The following SYNE1 variants were observed in gnomAD, a reference collection of about 807,000 sequenced individuals.
SYNE1 encodes spectrin repeat containing nuclear envelope protein 1.
A neutral mutation model predicts 1,111.0 loss-of-function variants in SYNE1; 616 were observed. That is an observed-to-expected ratio of 0.55 (90% CI 0.52 to 0.59). The LOEUF (loss-of-function observed/expected upper bound fraction) is 0.59. Among genes scored for constraint, SYNE1 ranks in the 20% least tolerant of loss-of-function variants. The probability of loss-of-function intolerance (pLI) is 0.00; values close to 1 mark genes in which losing one functional copy is unlikely to be tolerated. For missense variants in SYNE1, 10,006 were observed against 10,417.0 expected (o/e 0.96, Z 1.72); for synonymous variants, 3,855 against 3,825.8 (o/e 1.01, Z -0.28).
At chr6:152,535,656 G>T (rs939226575) in intron 4 of SYNE1, among the ~76,000 whole-genome samples, 5 of 152,084 alleles carry the variant, frequency 3.3e-5, no homozygotes, top group African/African-American at 1.2e-4. Flanking sequence ...TTGATAAAAT[G>T]AGAGAAAATA....
intron 11 of SYNE1, among the ~76,000 whole-genome samples, chr6:152,497,163 T>C (rs2099004270): frequency 1.3e-5 from 2 of 152,200 alleles, no homozygotes; most frequent in South Asian, 4.1e-4. Flanking sequence ...CATGGACACG[T>C]TTGACACTCC....
intron 130 of SYNE1, among the ~76,000 whole-genome samples, chr6:152,165,054 G>C (rs532172671): frequency 1.3e-5 from 2 of 151,172 alleles, no homozygotes; most frequent in African/African-American, 2.4e-5. Flanking sequence ...TATACACTTA[G>C]AGTCATCAGA....
chr6:152,624,696 A>T (rs971222270), intron 3 of SYNE1, among the ~76,000 whole-genome samples: 6 of 152,348 alleles, frequency 3.9e-5, no homozygotes, highest in Admixed American at 3.9e-4. Flanking sequence ...TCTGCATTGC[A>T]GTCTGACTGC....
chr6:152,198,997 A>C (rs1336502669), intron 127 of SYNE1, among the ~76,000 whole-genome samples: 1 of 149,784 alleles, frequency 6.7e-6, no homozygotes, highest in Admixed American at 6.6e-5. Flanking sequence ...AAAAAAAAAA[A>C]AAAACCAAAA....
chr6:152,604,156 TTA>T (rs1418683204), intron 3 of SYNE1, among the ~76,000 whole-genome samples: 98 of 137,060 alleles, frequency 7.2e-4, no homozygotes, highest in African/African-American at 2.9e-3. Context: ...CTCCAACCCT[TTA>T]TATGTGTGTG....
chr6:152,418,295 C>G (rs556024821), intron 40 of SYNE1, among the ~76,000 whole-genome samples: 1 of 152,140 alleles, frequency 6.6e-6, no homozygotes, highest in Non-Finnish European at 1.5e-5. Context: ...ATGTAATCAT[C>G]AGGGAAGATA....
intron 2 of SYNE1, among the ~76,000 whole-genome samples, chr6:152,633,928 C>T (rs200018826): frequency 2.1e-5 from 3 of 141,886 alleles, no homozygotes; most frequent in African/African-American, 7.9e-5. Flanking sequence ...GCATACTCTT[C>T]TTAGGAATTT....
At position 152,312,866 on chromosome 6, in the gene SYNE1, C is replaced by T. The variant is rs558863640; in HGVS notation, c.16711-1993G>A. ...CTTTTTCACCCGACCTTAGCGTTAC[C>T]GGAAAAAGGTCCCAATCCAGACCTC... On this transcript the variant is annotated intron_variant, in intron 87 of 145. Transcript: ENST00000367255. Among the ~76,000 whole-genome samples the T allele has an allele frequency of 2.6e-5, 4 of 152,072 alleles. No homozygotes were observed. In the East Asian group the frequency reaches 7.7e-4, roughly 29 times the overall value.
chr6:152,461,833 A>G (rs1051553960), intron 20 of SYNE1, 93 bp from the exon 21 acceptor site: 89 of 1,537,860 alleles, frequency 5.8e-5, no homozygotes, highest in Admixed American at 3.0e-4. Context: ...ATCAATATGC[A>G]CTGTATAAAA....
rs1370604391 is a variant in SYNE1, at chr6:152,208,040, G to A, written c.22756C>T (p.Pro7586Ser). The change falls in exon 125 of 146, where the codon CCC becomes TCC. Residue 7586 changes from proline to serine, a missense_variant. Pro to Ser is a moderately conservative substitution (Grantham distance 74). Coordinates refer to ENST00000367255, the MANE Select transcript of SYNE1 (RefSeq NM_182961.4). Reference sequence around the variant, plus strand: ...GGAACACTTCCGAGACCACTCATGGGGAGGTAGGACACTTCAACCAACCAT... The same window carrying A: ...GGAACACTTCCGAGACCACTCATGGAGAGGTAGGACACTTCAACCAACCAT... The part of the protein sequence containing the change: ...RKWLVEVSYL[P>S]MSGLGSVPIP... 6.2e-7 allele frequency: 1 copy of A among 1,614,106 alleles called. No homozygotes were observed. The highest frequency in any genetic ancestry group is 8.5e-7 in the Non-Finnish European group (1 of 1,180,012).
In SYNE1 at chr6:152,465,471, T is replaced by A; in HGVS notation, c.1730-11A>T. 6.2e-7 allele frequency: 1 copy of A among 1,610,094 alleles called. No homozygotes were observed. The highest frequency in any genetic ancestry group is 8.5e-7 in the Non-Finnish European group (1 of 1,177,910). Reference sequence around the variant, plus strand: ...TCTCAGCTTCTTCCACTGAAACAGATAAAACCAATTATAACCCTTATCTCA... The same window carrying A: ...TCTCAGCTTCTTCCACTGAAACAGAAAAAACCAATTATAACCCTTATCTCA... On this transcript the variant is annotated splice_polypyrimidine_tract_variant and intron_variant, in intron 17 of 145. Coordinates refer to ENST00000367255, the MANE Select transcript of SYNE1 (RefSeq NM_182961.4).
chr6:152,450,528 G>C (rs2098638990), intron 27 of SYNE1, 97 bp downstream of exon 27: 1 of 1,143,330 alleles, frequency 8.7e-7, no homozygotes, highest in Admixed American at 1.7e-5. Context: ...ACATGAGCAA[G>C]AAATATGAAA....
At chr6:152,366,578 A>G (rs1340335334) in intron 62 of SYNE1, among the ~76,000 whole-genome samples, 2 of 152,100 alleles carry the variant, frequency 1.3e-5, no homozygotes, top group Admixed American at 1.3e-4. Flanking sequence ...CCAACTTTCA[A>G]CCCCATCCCT....
In SYNE1 at chr6:152,453,576, C is replaced by T; in HGVS notation, c.3027+10G>A. On this transcript the variant is annotated intron_variant, in intron 25 of 145. Transcript: ENST00000367255. ...AGGATGCACGGTGTCTCCGTCCTGT[C>T]CTGACTCACCTTCCATTGTTTGTGG... The T allele has an allele frequency of 6.2e-7, 1 of 1,614,232 alleles. No individual in the cohort carries two copies. Among genetic ancestry groups the T allele is most frequent in the Non-Finnish European group, 8.5e-7 (1 of 1,180,044 alleles).
At chr6:152,162,344 T>C (rs1426264059) in intron 131 of SYNE1, among the ~76,000 whole-genome samples, 2 of 152,218 alleles carry the variant, frequency 1.3e-5, no homozygotes, top group Non-Finnish European at 2.9e-5. Context: ...TCTACCATTT[T>C]CTCTCCTGTT....
intron 4 of SYNE1, among the ~76,000 whole-genome samples, chr6:152,531,488 A>G (rs1363773763): frequency 6.6e-6 from 1 of 152,136 alleles, no homozygotes; most frequent in African/African-American, 2.4e-5. Context: ...TAACTTTTTA[A>G]TTTTTAAATG....
At chr6:152,244,162 G>A (rs967658129) in intron 106 of SYNE1, among the ~76,000 whole-genome samples, 2 of 152,152 alleles carry the variant, frequency 1.3e-5, no homozygotes, top group Non-Finnish European at 2.9e-5. Flanking sequence ...TTTTAAAATA[G>A]TATTTGAAGA....
chr6:152,203,668 T>C (rs11968197), intron 126 of SYNE1, among the ~76,000 whole-genome samples: 7,947 of 152,226 alleles, frequency 0.052, 685 homozygotes, highest in African/African-American at 0.18. Context: ...GAGGTGTTAT[T>C]ACCACAACTA....
chr6:152,219,731 T>C (rs2079662996), intron 119 of SYNE1, among the ~76,000 whole-genome samples: 1 of 152,218 alleles, frequency 6.6e-6, no homozygotes, highest in Non-Finnish European at 1.5e-5. Flanking sequence ...AACACAGTGA[T>C]GATTTTGGTG....
Sources: allele counts gnomAD v4.1 joint callset (sites outside exome capture counted in the v4.1 genomes callset), GRCh38; gene constraint gnomAD v4.1.1; transcripts MANE v1.5; gene names NCBI Gene and HGNC (gene_info 2026-07-23, HGNC 2026-07-21).